Variants in IQCE observed in about 807,000 individuals in gnomAD.
IQCE encodes IQ motif containing E.
In IQCE, 115 loss-of-function variants were observed where a neutral mutation model predicts 96.0. The ratio of observed to expected loss-of-function variants is 1.20; its 90% confidence interval spans 1.03 to 1.40. The LOEUF (loss-of-function observed/expected upper bound fraction) is 1.40. Ranked by LOEUF, IQCE falls within the 40% of genes most tolerant of loss-of-function variation. The pLI is 0.00. For synonymous variants in IQCE, 412 were observed against 371.2 expected, an observed-to-expected ratio of 1.11 and a Z score of -1.26; for missense variants, 1,041 against 909.1, an observed-to-expected ratio of 1.15 and a Z score of -1.87.
chr7:2,564,459 C>T (rs930899457), intron 1 of IQCE, among the ~76,000 whole-genome samples: 22 of 150,036 alleles, frequency 1.5e-4, no homozygotes, highest in African/African-American at 4.9e-4. Context: ...ATTATCCGGG[C>T]GTGGTGGCGG....
At chr7:2,596,233 C>A (rs987113105) in intron 16 of IQCE, among the ~76,000 whole-genome samples, 1 of 151,574 alleles carries the variant, frequency 6.6e-6, no homozygotes, top group Non-Finnish European at 1.5e-5. Context: ...CACTCCATCC[C>A]GGGCCACAGA....
At chr7:2,572,717 CT>C (rs200530627) in intron 5 of IQCE, 84 of 445,458 alleles carry the variant, frequency 1.9e-4, no homozygotes, top group African/African-American at 5.1e-4. Context: ...TGCCTAGTCT[CT>C]TTTTTTTTAG....
At position 2,610,034 on chromosome 7, in the gene IQCE, A is replaced by C; in HGVS notation, c.1970-10A>C. On this transcript the variant is annotated splice_polypyrimidine_tract_variant and intron_variant, in intron 21 of 21. Coordinates refer to ENST00000402050, the MANE Select transcript of IQCE (RefSeq NM_152558.5). ...TGGCTGACCCCTCTCCCTGTGGTTC[A>C]TTTCTGCAGACCCCTCTCCCTCAGG... 6.7e-7 allele frequency: 1 copy of C among 1,496,498 alleles called. No individual in the cohort carries two copies. The highest frequency in any genetic ancestry group is 9.3e-7 in the Non-Finnish European group (1 of 1,072,814). 92.7% of individuals were successfully genotyped at this position (1,496,498 alleles called of 1,614,324 possible). A position where few individuals can be genotyped will look rare whatever the true frequency, so the allele number is the denominator to read the frequency against.
At chr7:2,603,929 C>T (rs1431583657) in intron 18 of IQCE, among the ~76,000 whole-genome samples, 1 of 151,082 alleles carries the variant, frequency 6.6e-6, no homozygotes, top group Non-Finnish European at 1.5e-5. Context: ...AGAGGCAGAT[C>T]GTTCAAAAAT....
chr7:2,589,602 T>C (rs965189232), intron 13 of IQCE, among the ~76,000 whole-genome samples: 13 of 152,112 alleles, frequency 8.5e-5, no homozygotes, highest in Admixed American at 8.5e-4. Context: ...GGAGGGAAGA[T>C]GTGCAGAGTC....
chr7:2,573,439 T>A lies in IQCE; in HGVS notation c.416T>A (p.Val139Asp). ...ASNGHVPGTP[V>D]YREKEDMYDE... ...CTAGGTCATGTCCCTGGGACTCCTG[T>A]CTACAGAGAAAAAGAAGATATGTAT... Residue 139 changes from valine to aspartate, a missense_variant, in exon 6 of 22, where the codon GTC (valine) becomes GAC (aspartate). By Grantham distance (152) the Val-to-Asp change is radical (BLOSUM62 -3). Coordinates refer to ENST00000402050, the MANE Select transcript of IQCE (RefSeq NM_152558.5). 6.5e-7 allele frequency: 1 copy of A among 1,530,142 alleles called. No individual in the cohort carries two copies. Among genetic ancestry groups the A allele is most frequent in the Non-Finnish European group, 9.1e-7 (1 of 1,103,816 alleles). 94.8% of individuals were successfully genotyped at this position (1,530,142 alleles called of 1,614,324 possible).
intron 10 of IQCE, 30 bp downstream of exon 10, chr7:2,583,739 GC>G: frequency 8.2e-7 from 1 of 1,218,858 alleles, no homozygotes; most frequent in Non-Finnish European, 1.1e-6. Context: ...GGAGCGGAGG[GC>G]GGGCACCGAG....
At chr7:2,563,450 T>C (rs1781125918) in intron 1 of IQCE, among the ~76,000 whole-genome samples, 1 of 151,594 alleles carries the variant, frequency 6.6e-6, no homozygotes, top group African/African-American at 2.4e-5. Flanking sequence ...GGTTTTGAAC[T>C]CCTGGGCTTT....
At chr7:2,571,309 A>T in intron 3 of IQCE, 1 of 531,676 alleles carries the variant, frequency 1.9e-6, no homozygotes, top group Non-Finnish European at 3.3e-6. Flanking sequence ...ATGAGCCACC[A>T]TGCCTGGCCT....
At chr7:2,607,031 G>A in intron 20 of IQCE, 93 bp from the exon 21 acceptor site, 1 of 1,173,956 alleles carries the variant, frequency 8.5e-7, no homozygotes, top group South Asian at 1.6e-5. Flanking sequence ...TGGAATACTT[G>A]CCTCCAAGCA....
chr7:2,610,619 C>A lies in IQCE; in HGVS notation c.*457C>A, dbSNP rs1785063376. 1.1e-5 allele frequency: 2 copies of A among 176,100 alleles called. No homozygotes were observed. Among genetic ancestry groups the A allele is most frequent in the African/African-American group, 4.8e-5 (2 of 41,952 alleles). The allele number at this position is 176,100 out of a possible 1,614,324, so 10.9% of individuals were successfully genotyped here. On this transcript the variant is annotated 3_prime_UTR_variant, in exon 22 of 22. Coordinates refer to ENST00000402050, the MANE Select transcript of IQCE (RefSeq NM_152558.5). ...CAGCCCAGCAGGCCAGGCAGACACA[C>A]CCCGCTGTGCCTTAGGAAGGTGTGA...
intron 3 of IQCE, among the ~76,000 whole-genome samples, chr7:2,570,383 C>CT (rs1259217531): frequency 2.0e-5 from 3 of 151,752 alleles, no homozygotes; most frequent in African/African-American, 7.3e-5. Flanking sequence ...ATGTGTAGGG[C>CT]TTTTTTCTGC....
At chr7:2,564,597 C>CA (rs1028695789) in intron 1 of IQCE, among the ~76,000 whole-genome samples, 1,617 of 140,754 alleles carry the variant, frequency 0.011, 36 homozygotes, top group African/African-American at 0.038. Context: ...GATTCTGTCT[C>CA]AAAAAAAAAA....
At chr7:2,593,157 C>T (rs769005293) in intron 15 of IQCE, 31 bp downstream of exon 15, 6 of 1,591,318 alleles carry the variant, frequency 3.8e-6, no homozygotes, top group Non-Finnish European at 5.2e-6. Context: ...CTGGAGAGGA[C>T]CCAGGCGAGT....
At chr7:2,609,226 G>A (rs1583529414) in intron 21 of IQCE, among the ~76,000 whole-genome samples, 2 of 152,042 alleles carry the variant, frequency 1.3e-5, no homozygotes, top group African/African-American at 4.8e-5. Flanking sequence ...GGGAATGGCC[G>A]AGCAGCTTGC....
At chr7:2,592,926 A>G (rs1783720110) in intron 14 of IQCE, 96 bp from the exon 15 acceptor site, 1 of 1,353,628 alleles carries the variant, frequency 7.4e-7, no homozygotes, top group Non-Finnish European at 1.0e-6. Flanking sequence ...TGTCCTAAGG[A>G]AGGGCTGAGC....
intron 1 of IQCE, among the ~76,000 whole-genome samples, chr7:2,563,714 G>T (rs887804035): frequency 6.6e-6 from 1 of 151,666 alleles, no homozygotes; most frequent in African/African-American, 2.4e-5. Context: ...CTAACACAGT[G>T]AAACCCCGTC....
At position 2,567,148 on chromosome 7, in the gene IQCE, C is replaced by G. The variant is rs755937367; in HGVS notation, c.69C>G (p.Asp23Glu). 3 of 1,613,862 alleles carry G rather than the reference C, an allele frequency of 1.9e-6. No homozygotes were observed. In the South Asian group the frequency reaches 3.3e-5, roughly 18 times the overall value. The change falls in exon 2 of 22, where the codon GAC becomes GAG. Residue 23 changes from aspartate to glutamate, a missense_variant. Physicochemically the swap from Asp to Glu is conservative, Grantham distance 45. Transcript: ENST00000402050. The part of the protein sequence containing the change: ...GDDSLSAVTF[D>E]SDVETKAKRK... ...ACAGTCTGTCTGCAGTCACCTTTGA[C>G]TCTGATGTGGAGACGGTGAGTGCCG... is the stretch of plus-strand genomic sequence containing the variant.
In IQCE at chr7:2,605,963, G is replaced by T. The variant is rs757046016; in HGVS notation, c.1831G>T (p.Ala611Ser). ...GGAGGCCATCGTCATCATCCAGTCC[G>T]CTCTGCGGGCACACCTGGCCCGGGC... ...QEEAIVIIQS[A>S]LRAHLARARH... The change falls in exon 20 of 22, where the codon GCT (alanine) becomes TCT (serine). Residue 611 changes from alanine to serine, a missense_variant. By Grantham distance (99) the Ala-to-Ser change is moderately conservative. Transcript: ENST00000402050. 1.2e-6 allele frequency: 2 copies of T among 1,610,380 alleles called. No homozygotes were observed. The highest frequency in any genetic ancestry group is 3.4e-5 in the Admixed American group (2 of 59,594).
Sources: allele counts gnomAD v4.1 joint callset (sites outside exome capture counted in the v4.1 genomes callset), GRCh38; gene constraint gnomAD v4.1.1; transcripts MANE v1.5; gene names NCBI Gene and HGNC (gene_info 2026-07-23, HGNC 2026-07-21).